The following LDLRAD3 variants were observed in gnomAD, a reference collection of about 807,000 sequenced individuals.
The protein encoded by LDLRAD3 is low-density lipoprotein receptor class A domain-containing protein 3.
A neutral mutation model predicts 29.4 loss-of-function variants in LDLRAD3; 20 were observed. The ratio of observed to expected loss-of-function variants is 0.68; its 90% confidence interval spans 0.48 to 0.99. The LOEUF (loss-of-function observed/expected upper bound fraction) is 0.99. LDLRAD3 is among the 50% of genes least tolerant of loss of function. The pLI is 0.00. For synonymous variants in LDLRAD3, 157 were observed against 192.7 expected (o/e 0.81, Z 1.53); for missense variants, 420 against 454.3 (o/e 0.92, Z 0.69).
chr11:35,956,623 A>G (rs1488931119), intron 1 of LDLRAD3, among the ~76,000 whole-genome samples: 4 of 152,228 alleles, frequency 2.6e-5, no homozygotes, highest in African/African-American at 9.6e-5. Context: ...GGTTTCTTAA[A>G]CTTTTTAAAT....
chr11:36,065,144 C>T (rs1311043697), intron 2 of LDLRAD3, among the ~76,000 whole-genome samples: 7 of 152,138 alleles, frequency 4.6e-5, no homozygotes, highest in African/African-American at 1.7e-4. Context: ...GTTTAACTGA[C>T]TATTTCTTCC....
At chr11:35,956,986 C>T (rs1456932351) in intron 1 of LDLRAD3, among the ~76,000 whole-genome samples, 5 of 152,220 alleles carry the variant, frequency 3.3e-5, no homozygotes, top group South Asian at 2.1e-4. Context: ...CCGCCTGTCT[C>T]GGCCTCCCAA....
At chr11:35,981,830 G>A (rs16928190) in intron 1 of LDLRAD3, among the ~76,000 whole-genome samples, 13,361 of 152,222 alleles carry the variant, frequency 0.088, 1,929 homozygotes, top group African/African-American at 0.3. Context: ...GGGGGTGAGC[G>A]TTTGGGTGCT....
intron 4 of LDLRAD3, among the ~76,000 whole-genome samples, chr11:36,109,304 T>C (rs1254817300): frequency 2.0e-5 from 3 of 148,490 alleles, no homozygotes; most frequent in African/African-American, 5.0e-5. Flanking sequence ...TGGGAAACCA[T>C]GGGAAGGATG....
intron 1 of LDLRAD3, among the ~76,000 whole-genome samples, chr11:36,003,432 C>T (rs1378489236): frequency 6.6e-6 from 1 of 152,202 alleles, no homozygotes; most frequent in Non-Finnish European, 1.5e-5. Context: ...TGTGAGCTTC[C>T]AAGCTGAGTG....
intron 4 of LDLRAD3, among the ~76,000 whole-genome samples, chr11:36,212,024 C>T (rs561325843): frequency 2.0e-5 from 3 of 152,320 alleles, no homozygotes; most frequent in African/African-American, 7.2e-5. Flanking sequence ...GCGGCTTCCA[C>T]CAAACACTAC....
chr11:35,996,450 G>C (rs1590714804), intron 1 of LDLRAD3, among the ~76,000 whole-genome samples: 1 of 152,104 alleles, frequency 6.6e-6, no homozygotes, highest in Non-Finnish European at 1.5e-5. Flanking sequence ...CACCAGAACA[G>C]ATATAATAAT....
chr11:36,173,342 C>T (rs575229737), intron 4 of LDLRAD3, among the ~76,000 whole-genome samples: 1 of 118,154 alleles, frequency 8.5e-6, no homozygotes, highest in African/African-American at 3.3e-5. Context: ...CCCCCTCCCC[C>T]CACCCCACAA....
intron 4 of LDLRAD3, among the ~76,000 whole-genome samples, chr11:36,109,665 A>T (rs1853580133): frequency 6.6e-6 from 1 of 152,180 alleles, no homozygotes; most frequent in African/African-American, 2.4e-5. Flanking sequence ...AGGCAGAGAT[A>T]ATTTCTACAG....
At chr11:36,169,232 T>C (rs2133346145) in intron 4 of LDLRAD3, among the ~76,000 whole-genome samples, 1 of 152,318 alleles carries the variant, frequency 6.6e-6, no homozygotes, top group Non-Finnish European at 1.5e-5. Flanking sequence ...CAATGCATAA[T>C]GATCAAACCA....
chr11:36,155,619 G>A (rs992528158), intron 4 of LDLRAD3, among the ~76,000 whole-genome samples: 3 of 152,244 alleles, frequency 2.0e-5, no homozygotes, highest in African/African-American at 2.4e-5. Context: ...ATAATAATAC[G>A]TACTTCACAG....
intron 2 of LDLRAD3, among the ~76,000 whole-genome samples, chr11:36,040,179 A>AGT (rs397736853): frequency 3.0e-4 from 45 of 149,984 alleles, no homozygotes; most frequent in Non-Finnish European, 6.5e-4. Context: ...CTTAAAAAAG[A>AGT]ATTCTTGCCC....
chr11:36,050,720 C>A (rs1392172001), intron 2 of LDLRAD3, among the ~76,000 whole-genome samples: 6 of 152,106 alleles, frequency 3.9e-5, no homozygotes, highest in Non-Finnish European at 4.4e-5. Flanking sequence ...AGTTGAAGAC[C>A]CTCTGCTTTA....
intron 1 of LDLRAD3, chr11:35,997,107 C>A: frequency 3.9e-6 from 1 of 255,376 alleles, no homozygotes; most frequent in Non-Finnish European, 7.5e-6. Context: ...AAAATGATGG[C>A]TATTTTTATG....
chr11:36,158,405 C>T (rs1411668522), intron 4 of LDLRAD3, among the ~76,000 whole-genome samples: 2 of 152,168 alleles, frequency 1.3e-5, no homozygotes, highest in African/African-American at 4.8e-5. Flanking sequence ...GGTCCACCTT[C>T]AGCTCTTTAT....
chr11:36,101,686 G>A (rs1257612610), intron 4 of LDLRAD3, among the ~76,000 whole-genome samples: 1 of 152,038 alleles, frequency 6.6e-6, no homozygotes, highest in African/African-American at 2.4e-5. Flanking sequence ...TTAAGGGTGT[G>A]TTTTCTTGCA....
intron 1 of LDLRAD3, among the ~76,000 whole-genome samples, chr11:36,024,895 T>G (rs550213787): frequency 2.7e-4 from 41 of 152,354 alleles, no homozygotes; most frequent in African/African-American, 8.2e-4. Context: ...AGGGAGTTAG[T>G]ACTCAAAAAA....
intron 2 of LDLRAD3, among the ~76,000 whole-genome samples, chr11:36,052,721 C>T (rs1394077685): frequency 1.3e-5 from 2 of 152,138 alleles, no homozygotes; most frequent in Non-Finnish European, 2.9e-5. Flanking sequence ...ACATTTGTAC[C>T]TGTTAAGTGT....
chr11:36,227,461 G>C, intron 5 of LDLRAD3, 31 bp downstream of exon 5: 1 of 1,476,116 alleles, frequency 6.8e-7, no homozygotes, highest in South Asian at 1.3e-5. Flanking sequence ...ATTGAGGCGG[G>C]AGAGGTCATC....
Sources: allele counts gnomAD v4.1 joint callset (sites outside exome capture counted in the v4.1 genomes callset), GRCh38; gene constraint gnomAD v4.1.1; transcripts MANE v1.5; gene names NCBI Gene and HGNC (gene_info 2026-07-23, HGNC 2026-07-21).